Variants in MIPEP observed in about 807,000 individuals in gnomAD.
MIPEP encodes mitochondrial intermediate peptidase.
Under a neutral mutation model 90.3 loss-of-function variants are expected in MIPEP, and 79 were observed. That is an observed-to-expected ratio of 0.87 (90% CI 0.73 to 1.05). MIPEP has a LOEUF of 1.05. Among genes scored for constraint, MIPEP ranks in the 50% least tolerant of loss-of-function variants. MIPEP has a pLI of 0.00. For synonymous variants in MIPEP, 334 were observed against 315.8 expected (o/e 1.06, Z -0.61); for missense variants, 940 against 905.6 (o/e 1.04, Z -0.49).
chr13:23,870,929 T>C (rs1487937434), intron 5 of MIPEP, among the ~76,000 whole-genome samples: 2 of 152,172 alleles, frequency 1.3e-5, no homozygotes, highest in Non-Finnish European at 2.9e-5. Flanking sequence ...CCCAGCCCTA[T>C]GTGGGGCTGA....
At chr13:23,746,940 T>C (rs1003196521) in intron 18 of MIPEP, among the ~76,000 whole-genome samples, 6 of 152,142 alleles carry the variant, frequency 3.9e-5, no homozygotes, top group African/African-American at 1.4e-4. Flanking sequence ...AGATGATAGC[T>C]TACTATTAGA....
intron 10 of MIPEP, among the ~76,000 whole-genome samples, chr13:23,853,108 TAA>T (rs1319131124): frequency 6.6e-6 from 1 of 152,078 alleles, no homozygotes; most frequent in African/African-American, 2.4e-5. Context: ...GTTTATAAGG[TAA>T]AAAAAGTTAC....
At chr13:23,786,754 G>A (rs896719384) in intron 16 of MIPEP, among the ~76,000 whole-genome samples, 1 of 152,108 alleles carries the variant, frequency 6.6e-6, no homozygotes. Context: ...TCAGCAGTGA[G>A]GGTTGTCAAA....
chr13:23,743,800 C>T (rs746378751), intron 18 of MIPEP, among the ~76,000 whole-genome samples: 2 of 152,218 alleles, frequency 1.3e-5, no homozygotes, highest in African/African-American at 2.4e-5. Flanking sequence ...TAAACACGCA[C>T]ACACCCTCTT....
chr13:23,854,389 T>C (rs73442181), intron 10 of MIPEP, among the ~76,000 whole-genome samples: 1,910 of 152,136 alleles, frequency 0.013, 31 homozygotes, highest in African/African-American at 0.044. Context: ...AATTTAAAAC[T>C]ACCAAGATCA....
intron 16 of MIPEP, among the ~76,000 whole-genome samples, chr13:23,782,484 A>G (rs1952791941): frequency 6.6e-6 from 1 of 152,220 alleles, no homozygotes; most frequent in Non-Finnish European, 1.5e-5. Flanking sequence ...ATACCACTAA[A>G]TGCCCACAAG....
rs565759502 is a variant in MIPEP at position 23,828,425 on chromosome 13, G to T, written c.1653+7815C>A. ...CAGAAGTAATTATCTGGTTAAAAAA[G>T]CTTGTAAAAGTCTATAGACAAATTC... is the stretch of plus-strand genomic sequence containing the variant. On this transcript the variant is annotated intron_variant, in intron 14 of 18. Coordinates refer to ENST00000382172, the MANE Select transcript of MIPEP (RefSeq NM_005932.4). Among the ~76,000 whole-genome samples, 43 of 152,262 alleles carry T rather than the reference G, an allele frequency of 2.8e-4. 1 individual carries two copies. Among genetic ancestry groups the T allele is most frequent in the Admixed American group, 2.7e-3 (41 of 15,300 alleles).
At chr13:23,885,052 A>G (rs2137542251) in intron 2 of MIPEP, among the ~76,000 whole-genome samples, 1 of 152,332 alleles carries the variant, frequency 6.6e-6, no homozygotes. Context: ...AAGCAACCCA[A>G]CTGTCCATGA....
rs764571640 is a variant in MIPEP, at chr13:23,756,559, A to C, written c.2030T>G (p.Met677Arg). 2 of 1,613,966 alleles carry C rather than the reference A, an allele frequency of 1.2e-6. No homozygotes were observed. The highest frequency in any genetic ancestry group is 2.7e-5 in the African/African-American group (2 of 74,950). ...TTTTGTTTTACCTTCAACCATGAGC[A>C]TGGGCTCCCTGCCTCCACCGTGGGC... ...MLAHGGGREP[M>R]LMVEGMLQKC... Residue 677 changes from methionine (M) to arginine (R), a missense_variant, in exon 18 of 19, where the codon ATG (methionine) becomes AGG (arginine). Met to Arg is a moderately conservative substitution (Grantham distance 91). Coordinates refer to ENST00000382172, the MANE Select transcript of MIPEP (RefSeq NM_005932.4).
At chr13:23,856,618 G>C (rs1463201284) in intron 10 of MIPEP, among the ~76,000 whole-genome samples, 1 of 152,146 alleles carries the variant, frequency 6.6e-6, no homozygotes. Context: ...GCGCTGGTGG[G>C]AGTGAATTAT....
chr13:23,785,452 ACAT>A (rs1952827778), intron 16 of MIPEP, among the ~76,000 whole-genome samples: 1 of 140,816 alleles, frequency 7.1e-6, no homozygotes, highest in Admixed American at 7.4e-5. Flanking sequence ...GAACACTTGG[ACAT>A]CATACACCGG....
intron 16 of MIPEP, among the ~76,000 whole-genome samples, chr13:23,770,125 G>C (rs1952633061): frequency 6.6e-6 from 1 of 152,074 alleles, no homozygotes; most frequent in Admixed American, 6.5e-5. Context: ...ACAGAAAATG[G>C]GCTAGGAAAG....
In MIPEP at chr13:23,844,657, T is replaced by C. The variant is rs542973154; in HGVS notation, c.1107-3169A>G. Among the ~76,000 whole-genome samples the C allele has an allele frequency of 2.6e-5, 4 of 152,318 alleles. No individual in the cohort carries two copies. In the South Asian group the frequency reaches 8.3e-4, roughly 32 times the overall value. On this transcript the variant is annotated intron_variant, in intron 10 of 18. Transcript: ENST00000382172. ...AAAGAAACTTTACATATTAAAATTCTACCCTTCTTAAGATTATAATGAACA... is the reference window on the plus strand; with the variant it reads ...AAAGAAACTTTACATATTAAAATTCCACCCTTCTTAAGATTATAATGAACA...
chr13:23,814,101 G>A (rs4770498), intron 14 of MIPEP, among the ~76,000 whole-genome samples: 150,431 of 152,348 alleles, frequency 0.99, 74,310 homozygotes, highest in East Asian at 1. Context: ...AATTTTCACC[G>A]TATTATCAGC....
At chr13:23,864,728 T>A (rs1593198853) in intron 7 of MIPEP, among the ~76,000 whole-genome samples, 1 of 82,862 alleles carries the variant, frequency 1.2e-5, no homozygotes, top group Non-Finnish European at 2.2e-5. Flanking sequence ...AAAGTGAGAC[T>A]CCATCTCAAA....
rs1044774449 is a variant in MIPEP, at chr13:23,814,944, C to A, written c.1654-5020G>T. ...ACTGTGCTACTTACCAGCTAAGTGG[C>A]ATGGATGTTGGGCAACTTACTGAAC... On this transcript the variant is annotated intron_variant, in intron 14 of 18. Coordinates refer to ENST00000382172, the MANE Select transcript of MIPEP (RefSeq NM_005932.4). 3.3e-5 allele frequency among the ~76,000 whole-genome samples: 5 copies of A among 152,192 alleles called. No individual in the cohort carries two copies. The South Asian group carries it at 1.0e-3, about 32-fold the overall frequency.
chr13:23,806,619 A>G (rs559223688), intron 15 of MIPEP, among the ~76,000 whole-genome samples: 41 of 151,664 alleles, frequency 2.7e-4, no homozygotes, highest in African/African-American at 9.9e-4. Flanking sequence ...CGGAGCTCGC[A>G]GTGAGCCGAG....
chr13:23,734,904 GAA>G (rs1189724193), intron 18 of MIPEP, among the ~76,000 whole-genome samples: 2 of 152,146 alleles, frequency 1.3e-5, no homozygotes, highest in African/African-American at 2.4e-5. Context: ...AGCACGTCTG[GAA>G]AAGTTTCTTG....
intron 16 of MIPEP, among the ~76,000 whole-genome samples, chr13:23,767,540 C>T (rs1245269045): frequency 1.3e-5 from 2 of 151,936 alleles, no homozygotes; most frequent in Admixed American, 1.3e-4. Context: ...TAACCTCCAC[C>T]TCCCAGGTTC....
Sources: gnomAD v4.1 joint callset for allele counts (sites outside exome capture counted in the v4.1 genomes callset) on GRCh38, gnomAD v4.1.1 for gene constraint, MANE v1.5 for transcripts, NCBI Gene and HGNC (gene_info 2026-07-23, HGNC 2026-07-21) for gene names.